Variants in C11orf91 observed in about 807,000 individuals in gnomAD.
C11orf91 encodes uncharacterized protein C11orf91.
A neutral mutation model predicts 14.3 loss-of-function variants in C11orf91; 10 were observed. The ratio of observed to expected loss-of-function variants is 0.70; its 90% CI spans 0.43 to 1.18. The LOEUF (loss-of-function observed/expected upper bound fraction) is 1.18, where lower values mean the gene tolerates loss of function less well. Among genes scored for constraint, C11orf91 ranks in the 50% most tolerant of loss-of-function variants. The pLI is 0.00. For missense variants in C11orf91, 236 were observed against 269.0 expected (o/e 0.88, Z 0.86); for synonymous variants, 141 against 130.6 (o/e 1.08, Z -0.54).
chr11:33,704,318 G>A (rs1421405417), upstream of C11orf91: 1 of 152,204 alleles, frequency 6.6e-6, no homozygotes, highest in Admixed American at 6.5e-5. Flanking sequence ...ATGGACATAT[G>A]TATAAGCAGT....
intron 1 of C11orf91, 29 bp downstream of exon 1, chr11:33,700,216 G>T: frequency 2.0e-6 from 3 of 1,521,850 alleles, no homozygotes; most frequent in Non-Finnish European, 2.6e-6. Flanking sequence ...GCTAAGGCTG[G>T]GCTCGGTGGC....
upstream of C11orf91, chr11:33,702,757 A>T (rs1186131878): frequency 5.3e-6 from 2 of 377,004 alleles, no homozygotes; most frequent in East Asian, 9.6e-5. Context: ...TAGAAGAAAA[A>T]TTTTTTCACC....
In C11orf91 at chr11:33,699,579, G is replaced by A. The variant is rs563957988; in HGVS notation, c.496+666C>T. ...GGAGTCATTCAGCTCGTAGGCTGAG[G>A]GATCCTGCCCGCATCAGCACACGTG... On this transcript the variant is annotated intron_variant, in intron 1 of 1. Transcript: ENST00000379011. 8.8e-6 allele frequency: 4 copies of A among 456,278 alleles called. No homozygotes were observed. The East Asian group carries it at 2.1e-4, about 24-fold the overall frequency. The allele number at this position is 456,278 out of a possible 1,614,324, so 28.3% of individuals were successfully genotyped here.
At chr11:33,703,411 G>A (rs1057135346), upstream of C11orf91, 6 of 152,182 alleles carry the variant, frequency 3.9e-5, no homozygotes. Flanking sequence ...TTCAACTTCA[G>A]CAGAACCTTT....
At chr11:33,699,830 C>A (rs117358788) in intron 1 of C11orf91, among the ~76,000 whole-genome samples, 8,481 of 152,300 alleles carry the variant, frequency 0.056, 343 homozygotes, top group Middle Eastern at 0.092. Flanking sequence ...ACCTTCCCCC[C>A]ATGGAGAGCC....
At position 33,700,653 on chromosome 11, in the gene C11orf91, C is replaced by T; in HGVS notation, c.88G>A (p.Gly30Ser). ...TCGCTGAGCGGGGACGAGGAGATGC[C>T]GCGGTCGTACAGGGACGGGAAATAG... ...PLYFPSLYDR[G>S]ISSSPLSDFN... Residue 30 changes from glycine (G) to serine (S), a missense_variant, in exon 1 of 2, where the codon GGC (glycine) becomes AGC (serine). Coordinates refer to ENST00000379011, the MANE Select transcript of C11orf91 (RefSeq NM_001166692.2). 6.8e-7 allele frequency: 1 copy of T among 1,472,314 alleles called. No homozygotes were observed. The highest frequency in any genetic ancestry group is 9.0e-7 in the Non-Finnish European group (1 of 1,115,818). 91.2% of individuals were successfully genotyped at this position (1,472,314 alleles called of 1,614,324 possible). A position where few individuals can be genotyped will look rare whatever the true frequency, so the allele number is the denominator to read the frequency against.
At chr11:33,702,403 C>T (rs960136811), upstream of C11orf91, among the ~76,000 whole-genome samples, 1 of 152,094 alleles carries the variant, frequency 6.6e-6, no homozygotes, top group Non-Finnish European at 1.5e-5. Context: ...TGCAGTGAGC[C>T]ACAATCATAG....
At chr11:33,701,753 AAGTGTGTG>A (rs1853130867), upstream of C11orf91, among the ~76,000 whole-genome samples, 1 of 91,396 alleles carries the variant, frequency 1.1e-5, no homozygotes, top group African/African-American at 5.7e-5. Context: ...ACACAGTGCA[AAGTGTGTG>A]TGTGTGTGTG....
At chr11:33,700,938 C>G (rs1590498022), upstream of C11orf91, 1 of 206,800 alleles carries the variant, frequency 4.8e-6, no homozygotes, top group Non-Finnish European at 7.1e-6. Flanking sequence ...CCGCCCACCT[C>G]GGCTGGCCGC....
chr11:33,700,454 G>GAGGGCC lies in C11orf91; in HGVS notation c.281_286dup (p.Trp94_Pro95dup). 6.8e-7 allele frequency: 1 copy of GAGGGCC among 1,477,002 alleles called. No individual in the cohort carries two copies. The highest frequency in any genetic ancestry group is 8.9e-7 in the Non-Finnish European group (1 of 1,118,626). 91.5% of individuals were successfully genotyped at this position (1,477,002 alleles called of 1,614,324 possible). ...CTCGTAGGGGATGGAGGCCAGGCCG[G>GAGGGCC]AGGGCCAGGGCGAGGGCCAGGGGCG... On this transcript the variant is annotated inframe_insertion, in exon 1 of 2. Transcript: ENST00000379011.
chr11:33,700,805 C>A lies in C11orf91; in HGVS notation c.-65G>T. ...GGAGACGCGCGCTCAGGCCCCGAGT[C>A]GCCGGGGTTTCGAGGTTCCACAAGC... On this transcript the variant is annotated 5_prime_UTR_variant, in exon 1 of 2. Transcript: ENST00000379011. 8.0e-7 allele frequency: 1 copy of A among 1,250,076 alleles called. No homozygotes were observed. The highest frequency in any genetic ancestry group is 1.0e-6 in the Non-Finnish European group (1 of 998,010). The allele number at this position is 1,250,076 out of a possible 1,614,324, so 77.4% of individuals were successfully genotyped here.
intron 1 of C11orf91, chr11:33,699,477 C>G (rs985388635): frequency 2.2e-6 from 1 of 446,356 alleles, no homozygotes; most frequent in Non-Finnish European, 4.5e-6. Context: ...GACAACCTAC[C>G]GCTACTGAAA....
At chr11:33,706,276 TTAGA>T in the C11orf91 span, 1 of 152,082 alleles carries the variant, frequency 6.6e-6, no homozygotes, top group Non-Finnish European at 1.5e-5. Context: ...AAGCTTTAGT[TTAGA>T]TAAATAAGAT....
chr11:33,705,797 A>T (rs1853285717), upstream of C11orf91: 2 of 152,272 alleles, frequency 1.3e-5, no homozygotes, highest in South Asian at 4.1e-4. Context: ...ACCCTAATAC[A>T]TGAATTATAA....
At chr11:33,706,481 A>T in the C11orf91 span, 1 of 152,118 alleles carries the variant, frequency 6.6e-6, no homozygotes, top group Non-Finnish European at 1.5e-5. Context: ...GACCCTTTAC[A>T]AATGCATTAT....
At chr11:33,702,105 C>T (rs1853137400), upstream of C11orf91, among the ~76,000 whole-genome samples, 1 of 152,170 alleles carries the variant, frequency 6.6e-6, no homozygotes, top group South Asian at 2.1e-4. Context: ...TTTATTCATA[C>T]AAGTGATCAC....
intron 1 of C11orf91, among the ~76,000 whole-genome samples, chr11:33,699,053 G>GCCC (rs570864114): frequency 6.6e-6 from 1 of 151,770 alleles, no homozygotes; most frequent in African/African-American, 2.4e-5. Flanking sequence ...ACCCGCATTG[G>GCCC]CCCCCCCAAA....
At chr11:33,701,222 A>G (rs547716849), upstream of C11orf91, among the ~76,000 whole-genome samples, 15 of 152,364 alleles carry the variant, frequency 9.8e-5, no homozygotes, top group Middle Eastern at 3.4e-3. Context: ...CCGCGCCCAC[A>G]GCAAAGAAGT....
upstream of C11orf91, chr11:33,705,222 G>A (rs184127621): frequency 3.3e-5 from 5 of 152,188 alleles, no homozygotes; most frequent in South Asian, 2.1e-4. Flanking sequence ...GCGTTCTCAT[G>A]TTATCCTGAC....
Sources: gnomAD v4.1 joint callset for allele counts (sites outside exome capture counted in the v4.1 genomes callset) on GRCh38, gnomAD v4.1.1 for gene constraint, MANE v1.5 for transcripts, NCBI Gene and HGNC (gene_info 2026-07-23, HGNC 2026-07-21) for gene names.